Variants in GGA2 observed in about 807,000 individuals in gnomAD.
GGA2 encodes ADP-ribosylation factor-binding protein GGA2.
In GGA2, 48 loss-of-function variants were observed where a neutral mutation model predicts 79.5. The ratio of observed to expected loss-of-function variants is 0.60; its 90% CI spans 0.48 to 0.77. The LOEUF (loss-of-function observed/expected upper bound fraction) is 0.77, where lower values mean the gene tolerates loss of function less well. Among genes scored for constraint, GGA2 ranks in the 30% least tolerant of loss-of-function variants. GGA2 has a pLI of 0.00. For missense variants in GGA2, 770 were observed against 774.0 expected (o/e 0.99, Z 0.06); for synonymous variants, 317 against 302.0 (o/e 1.05, Z -0.51).
intron 14 of GGA2, among the ~76,000 whole-genome samples, chr16:23,470,791 A>C (rs1254397631): frequency 1.3e-5 from 2 of 151,630 alleles, no homozygotes; most frequent in African/African-American, 4.8e-5. Context: ...CACACACACA[A>C]AAACAGGATT....
chr16:23,491,742 C>T lies in GGA2; in HGVS notation c.410G>A (p.Ser137Asn). 1 of 1,610,850 alleles carries T rather than the reference C, an allele frequency of 6.2e-7. No individual in the cohort carries two copies. Among genetic ancestry groups the T allele is most frequent in the Middle Eastern group, 1.7e-4 (1 of 6,060 alleles). The change falls in exon 5 of 17, where the codon AGT becomes AAT. Residue 137 changes from serine to asparagine, a missense_variant. By Grantham distance (46) the Ser-to-Asn change is conservative. Coordinates refer to ENST00000309859, the MANE Select transcript of GGA2 (RefSeq NM_015044.4). ...VKGRVIEILF[S>N]WTVWFPEDIK... is the part of the protein sequence containing the mutation. ...GTCTTCCGGAAACCAGACTGTCCAACTGAAGAGTATTTCAATGACTCTTCC... is the reference window on the plus strand; with the variant it reads ...GTCTTCCGGAAACCAGACTGTCCAATTGAAGAGTATTTCAATGACTCTTCC...
In GGA2 at chr16:23,495,770, T is replaced by C. The variant is rs1029239688; in HGVS notation, c.100A>G (p.Thr34Ala). The change falls in exon 2 of 17, where the codon ACA (threonine) becomes GCA (alanine). Residue 34 changes from threonine (T) to alanine (A), a missense_variant. Coordinates refer to ENST00000309859, the MANE Select transcript of GGA2 (RefSeq NM_015044.4). The part of the protein sequence containing the change: ...ASLELWLNKA[T>A]DPSMSEQDWS... The stretch of plus-strand genomic sequence containing the variant: ...TCCTGTTCCGACATGCTTGGGTCTG[T>C]GGCTTTGTCTGTCAAATAAATAATA... 2 of 1,608,172 alleles carry C rather than the reference T, an allele frequency of 1.2e-6. No individual in the cohort carries two copies. Among genetic ancestry groups the C allele is most frequent in the South Asian group, 1.1e-5 (1 of 90,892 alleles).
intron 2 of GGA2, chr16:23,495,203 TTTTCC>T (rs1964840303): frequency 6.6e-6 from 1 of 152,446 alleles, no homozygotes; most frequent in African/African-American, 2.4e-5. Flanking sequence ...AACCTTCCCC[TTTTCC>T]TTTTTCTTAA....
chr16:23,494,651 T>G (rs1964832712), intron 2 of GGA2, among the ~76,000 whole-genome samples: 1 of 151,976 alleles, frequency 6.6e-6, no homozygotes, highest in South Asian at 2.1e-4. Flanking sequence ...AAGCTGCCAG[T>G]CCCAGCCCAG....
intron 13 of GGA2, among the ~76,000 whole-genome samples, chr16:23,477,763 AC>A (rs1487266215): frequency 6.6e-6 from 1 of 151,908 alleles, no homozygotes; most frequent in Non-Finnish European, 1.5e-5. Flanking sequence ...AAACAAACAA[AC>A]AAAAACACAT....
chr16:23,484,469 T>C (rs1364375542), intron 8 of GGA2, among the ~76,000 whole-genome samples: 1 of 151,936 alleles, frequency 6.6e-6, no homozygotes, highest in East Asian at 1.9e-4. Context: ...ATCAAAATAG[T>C]GAAAAGACAG....
intron 7 of GGA2, 142 bp from the exon 8 acceptor site, chr16:23,486,294 G>A: frequency 1.4e-6 from 1 of 717,124 alleles, no homozygotes. Context: ...AACTCACACA[G>A]TGGGTGAAAA....
chr16:23,499,443 C>T (rs986680700), intron 1 of GGA2, among the ~76,000 whole-genome samples: 5 of 151,918 alleles, frequency 3.3e-5, no homozygotes, highest in South Asian at 2.1e-4. Flanking sequence ...CACACCCGGC[C>T]GGCACCAGCT....
chr16:23,478,778 G>C, intron 12 of GGA2, 105 bp downstream of exon 12: 1 of 846,510 alleles, frequency 1.2e-6, no homozygotes, highest in Non-Finnish European at 2.0e-6. Flanking sequence ...GATCCCACCG[G>C]GACAGTGCAG....
intron 1 of GGA2, among the ~76,000 whole-genome samples, chr16:23,503,260 G>A (rs1429909081): frequency 6.6e-6 from 1 of 152,128 alleles, no homozygotes; most frequent in African/African-American, 2.4e-5. Flanking sequence ...ATATTTTCAT[G>A]TATTGATTTT....
chr16:23,481,347 G>A lies in GGA2; in HGVS notation c.881-577C>T, dbSNP rs532421056. 2.0e-4 allele frequency among the ~76,000 whole-genome samples: 31 copies of A among 152,138 alleles called. No homozygotes were observed. The South Asian group carries it at 4.6e-3, about 22-fold the overall frequency. ...GAGATCGCACCATTGCACTCCAGCC[G>A]GGGCAGCAAGAGCGAAACTCCATCT... On this transcript the variant is annotated intron_variant, in intron 9 of 16. Transcript: ENST00000309859.
chr16:23,479,756 T>G lies in GGA2; in HGVS notation c.1129+9A>C. ...CCTGTGCCTGCTCCCCACAAGCACC[T>G]GCCCTCACCCAAGGCTGCCAGGTCC... On this transcript the variant is annotated intron_variant, in intron 11 of 16. Transcript: ENST00000309859. 6.2e-7 allele frequency: 1 copy of G among 1,613,708 alleles called. No homozygotes were observed. Among genetic ancestry groups the G allele is most frequent in the South Asian group, 1.1e-5 (1 of 91,060 alleles).
intron 1 of GGA2, among the ~76,000 whole-genome samples, chr16:23,498,292 A>C (rs1386533992): frequency 2.0e-5 from 3 of 151,534 alleles, no homozygotes; most frequent in African/African-American, 7.3e-5. Flanking sequence ...AAAAAAAAAA[A>C]AGCCAGGCAT....
intron 1 of GGA2, chr16:23,501,009 C>A (rs1180391258): frequency 3.0e-6 from 1 of 330,810 alleles, no homozygotes; most frequent in Non-Finnish European, 6.0e-6. Context: ...TGATCTTTGA[C>A]ACACATTAGA....
chr16:23,510,543 C>T, upstream of GGA2: 1 of 324,188 alleles, frequency 3.1e-6, no homozygotes, highest in East Asian at 4.1e-5. Flanking sequence ...TGGCGCCACG[C>T]CCACCCCAGG....
chr16:23,494,240 G>A lies in GGA2; in HGVS notation c.252+63C>T, dbSNP rs577499909. On this transcript the variant is annotated intron_variant, in intron 3 of 16. Transcript: ENST00000309859. ...AAAAGGATCTGTGTGGAAGCAAAGC[G>A]CCTCTCGGCTCTCTATAGCACAAGG... is the stretch of plus-strand genomic sequence containing the variant. 11 of 1,049,676 alleles carry A rather than the reference G, an allele frequency of 1.0e-5. 1 individual carries two copies. Among genetic ancestry groups the A allele is most frequent in the South Asian group, 8.8e-5 (7 of 79,936 alleles). 65.0% of individuals were successfully genotyped at this position (1,049,676 alleles called of 1,614,324 possible).
intron 2 of GGA2, 63 bp from the exon 3 acceptor site, chr16:23,494,441 A>G (rs573149936): frequency 6.9e-6 from 7 of 1,018,416 alleles, no homozygotes; most frequent in Non-Finnish European, 9.4e-6. Context: ...CGAGTGGCTG[A>G]GCATGCTCAG....
chr16:23,492,632 G>A (rs781327052), intron 4 of GGA2, among the ~76,000 whole-genome samples: 20 of 152,062 alleles, frequency 1.3e-4, no homozygotes, highest in Non-Finnish European at 2.6e-4. Flanking sequence ...CCTATGTATC[G>A]CTTCCATTTG....
intron 2 of GGA2, among the ~76,000 whole-genome samples, chr16:23,518,271 C>A (rs1965115299): frequency 6.6e-6 from 1 of 152,112 alleles, no homozygotes; most frequent in African/African-American, 2.4e-5. Context: ...TACAGTGACA[C>A]AGACACAGCT....
Sources: gnomAD v4.1 joint callset for allele counts (sites outside exome capture counted in the v4.1 genomes callset) on GRCh38, gnomAD v4.1.1 for gene constraint, MANE v1.5 for transcripts, NCBI Gene and HGNC (gene_info 2026-07-23, HGNC 2026-07-21) for gene names.